Variants in ZFPM2 observed in about 807,000 individuals in gnomAD.
ZFPM2 encodes the protein zinc finger protein ZFPM2.
A neutral mutation model predicts 98.6 loss-of-function variants in ZFPM2; 20 were observed. The observed-to-expected ratio is 0.20, with a 90% CI of 0.14 to 0.29. The LOEUF (loss-of-function observed/expected upper bound fraction) is 0.29, where lower values mean the gene tolerates loss of function less well. Among genes scored for constraint, ZFPM2 ranks in the 10% least tolerant of loss-of-function variants. The pLI is 1.00. For synonymous variants in ZFPM2, 518 were observed against 502.7 expected, an observed-to-expected ratio of 1.03 and a Z score of -0.41; for missense variants, 1,310 against 1,388.6, an observed-to-expected ratio of 0.94 and a Z score of 0.90.
intron 1 of ZFPM2, among the ~76,000 whole-genome samples, chr8:105,343,379 G>T (rs1399504704): frequency 6.6e-6 from 1 of 152,122 alleles, no homozygotes; most frequent in Non-Finnish European, 1.5e-5. Flanking sequence ...AAGTATGTCT[G>T]GAGGTGAACC....
chr8:105,385,088 G>A (rs1031063543), intron 1 of ZFPM2, among the ~76,000 whole-genome samples: 5 of 152,058 alleles, frequency 3.3e-5, no homozygotes, highest in African/African-American at 1.2e-4. Flanking sequence ...TCAAATCTAG[G>A]CAGTCTGTAG....
intron 5 of ZFPM2, among the ~76,000 whole-genome samples, chr8:105,704,246 T>C (rs750771113): frequency 6.6e-6 from 1 of 152,216 alleles, no homozygotes; most frequent in Non-Finnish European, 1.5e-5. Context: ...AAACTACATA[T>C]TTCCTCCCCC....
chr8:105,739,541 T>G (rs1377975199), intron 5 of ZFPM2, among the ~76,000 whole-genome samples: 1 of 152,010 alleles, frequency 6.6e-6, no homozygotes. Flanking sequence ...GGGAATGCAT[T>G]CTTGGCTGCA....
At position 105,576,480 on chromosome 8, in the gene ZFPM2, G is replaced by A. The variant is rs73697394; in HGVS notation, c.420+14999G>A. On this transcript the variant is annotated intron_variant, in intron 4 of 7. Transcript: ENST00000407775. ...CACTGCTGAGACCTGATTGGTAGAG[G>A]GCAACTCCACCTTCAGATTTAACGT... is the stretch of plus-strand genomic sequence containing the variant. Among the ~76,000 whole-genome samples, 328 of 152,128 alleles carry A rather than the reference G, an allele frequency of 2.2e-3. 2 individuals are homozygous for A. The highest frequency in any genetic ancestry group is 7.4e-3 in the African/African-American group (306 of 41,504).
At chr8:105,730,984 A>G (rs1235507616) in intron 5 of ZFPM2, among the ~76,000 whole-genome samples, 2 of 151,584 alleles carry the variant, frequency 1.3e-5, no homozygotes, top group Non-Finnish European at 3.0e-5. Flanking sequence ...TACTGGATCA[A>G]TACTTCTCAG....
chr8:105,773,674 A>G (rs900545346), intron 5 of ZFPM2, among the ~76,000 whole-genome samples: 1 of 150,922 alleles, frequency 6.6e-6, no homozygotes, highest in East Asian at 1.9e-4. Flanking sequence ...TAAAATAAAA[A>G]TAAATAAAAA....
intron 3 of ZFPM2, among the ~76,000 whole-genome samples, chr8:105,462,664 G>A (rs949930560): frequency 5.3e-5 from 8 of 152,030 alleles, no homozygotes; most frequent in African/African-American, 1.2e-4. Context: ...TGAAAAGAGT[G>A]CCTGACACTA....
At chr8:105,487,643 G>T (rs1169803201) in intron 3 of ZFPM2, among the ~76,000 whole-genome samples, 2 of 151,934 alleles carry the variant, frequency 1.3e-5, no homozygotes, top group Non-Finnish European at 2.9e-5. Context: ...ATTTACAAAA[G>T]CAGATGGAGG....
chr8:105,446,544 A>G (rs1238228469), intron 3 of ZFPM2, among the ~76,000 whole-genome samples: 1 of 152,186 alleles, frequency 6.6e-6, no homozygotes, highest in Admixed American at 6.5e-5. Flanking sequence ...GGGGAGAGAA[A>G]GTGAACAAGG....
At chr8:105,551,598 C>A (rs545078371) in intron 3 of ZFPM2, among the ~76,000 whole-genome samples, 1 of 152,238 alleles carries the variant, frequency 6.6e-6, no homozygotes, top group Admixed American at 6.5e-5. Context: ...TGAAAGGTTT[C>A]AAAGTAATGC....
In ZFPM2 at chr8:105,802,247, C is replaced by T; in HGVS notation, c.2165C>T (p.Ala722Val). Residue 722 changes from alanine (A) to valine (V), a missense_variant, in exon 8 of 8, where the codon GCT becomes GTT. Ala to Val is a moderately conservative substitution (Grantham distance 64). Coordinates refer to ENST00000407775, the MANE Select transcript of ZFPM2 (RefSeq NM_012082.4). ...CACGACCCTCCACTGAAGAGGTCTG[C>T]TTCCAACAAAGTGCCTGCCATGCAG... ...TRHDPPLKRS[A>V]SNKVPAMQRT... 1 of 1,613,918 alleles carries T rather than the reference C, an allele frequency of 6.2e-7. No individual in the cohort carries two copies. The highest frequency in any genetic ancestry group is 8.5e-7 in the Non-Finnish European group (1 of 1,179,860).
chr8:105,467,594 T>A (rs1351359763), intron 3 of ZFPM2, among the ~76,000 whole-genome samples: 1 of 152,144 alleles, frequency 6.6e-6, no homozygotes, highest in Non-Finnish European at 1.5e-5. Flanking sequence ...TGCACTTTAC[T>A]ATGAAATGCT....
intron 2 of ZFPM2, among the ~76,000 whole-genome samples, chr8:105,436,956 A>G (rs1484988988): frequency 1.3e-5 from 2 of 152,226 alleles, no homozygotes; most frequent in East Asian, 3.8e-4. Flanking sequence ...TATAGCAGAT[A>G]TTGAAATGAA....
At chr8:105,758,784 C>T (rs146037018) in intron 5 of ZFPM2, among the ~76,000 whole-genome samples, 5 of 152,098 alleles carry the variant, frequency 3.3e-5, no homozygotes, top group Admixed American at 6.6e-5. Context: ...TAACTCTGAA[C>T]GCTCATACAG....
At position 105,436,873 on chromosome 8, in the gene ZFPM2, T is replaced by C. The variant is rs184482435; in HGVS notation, c.200-7407T>C. On this transcript the variant is annotated intron_variant, in intron 2 of 7. Coordinates refer to ENST00000407775, the MANE Select transcript of ZFPM2 (RefSeq NM_012082.4). Reference sequence around the variant, plus strand: ...GTGCTTAAGAGATGATAGCCATGTTTAGATTTAGTATAGAATCTGATCTTG... The same window carrying C: ...GTGCTTAAGAGATGATAGCCATGTTCAGATTTAGTATAGAATCTGATCTTG... Among the ~76,000 whole-genome samples the C allele has an allele frequency of 1.3e-3, 199 of 152,324 alleles. 1 individual carries two copies. Among genetic ancestry groups the C allele is most frequent in the Non-Finnish European group, 2.4e-3 (161 of 68,020 alleles).
At chr8:105,370,090 C>T (rs17283426) in intron 1 of ZFPM2, among the ~76,000 whole-genome samples, 20,009 of 151,780 alleles carry the variant, frequency 0.13, 1,432 homozygotes, top group Non-Finnish European at 0.16. Context: ...GGTCTCAGTC[C>T]ACCTTTCATA....
chr8:105,691,289 C>CGGACTG (rs1327590095), intron 5 of ZFPM2, among the ~76,000 whole-genome samples: 3 of 108,556 alleles, frequency 2.8e-5, no homozygotes, highest in African/African-American at 8.3e-5. Flanking sequence ...TCGCCCAGGC[C>CGGACTG]GGACTGCGGA....
At chr8:105,744,103 G>A (rs1024532704) in intron 5 of ZFPM2, among the ~76,000 whole-genome samples, 17 of 151,980 alleles carry the variant, frequency 1.1e-4, no homozygotes, top group East Asian at 3.9e-4. Flanking sequence ...TAGGCAAACC[G>A]TGAAAATGAT....
intron 5 of ZFPM2, among the ~76,000 whole-genome samples, chr8:105,724,619 G>C (rs978516551): frequency 6.6e-6 from 1 of 151,746 alleles, no homozygotes; most frequent in African/African-American, 2.4e-5. Flanking sequence ...AATAGCAATA[G>C]GAAGTGGAAA....
Sources: allele counts gnomAD v4.1 joint callset (sites outside exome capture counted in the v4.1 genomes callset), GRCh38; gene constraint gnomAD v4.1.1; transcripts MANE v1.5; gene names NCBI Gene and HGNC (gene_info 2026-07-23, HGNC 2026-07-21).